TMEM62: variants seen among roughly 807,000 people sequenced by gnomAD.
TMEM62 encodes the protein transmembrane protein 62.
In TMEM62, 41 loss-of-function variants were observed where a neutral mutation model predicts 70.4. That is an observed-to-expected ratio of 0.58 (90% CI 0.45 to 0.76). The LOEUF is 0.76. Among genes scored for constraint, TMEM62 ranks in the 30% least tolerant of loss-of-function variants. The probability of loss-of-function intolerance (pLI) is 0.00; values close to 1 mark genes in which losing one functional copy is unlikely to be tolerated. For synonymous variants in TMEM62, 268 were observed against 291.0 expected, an observed-to-expected ratio of 0.92 and a Z score of 0.80; for missense variants, 688 against 788.5, an observed-to-expected ratio of 0.87 and a Z score of 1.53.
intron 5 of TMEM62, among the ~76,000 whole-genome samples, chr15:43,147,927 ATGC>A (rs1158401505): frequency 6.6e-6 from 1 of 152,200 alleles, no homozygotes; most frequent in Non-Finnish European, 1.5e-5. Flanking sequence ...TATAATATTA[ATGC>A]ATATTTACAT....
intron 10 of TMEM62, among the ~76,000 whole-genome samples, chr15:43,161,909 G>A (rs1216147412): frequency 6.6e-6 from 1 of 151,606 alleles, no homozygotes; most frequent in Non-Finnish European, 1.5e-5. Flanking sequence ...CAATCCACCC[G>A]CCTCAGCCTC....
At chr15:43,142,363 C>G (rs185165261) in intron 4 of TMEM62, among the ~76,000 whole-genome samples, 11 of 152,038 alleles carry the variant, frequency 7.2e-5, no homozygotes, top group African/African-American at 2.7e-4. Flanking sequence ...CAGGGTTTCA[C>G]CATATTGGCC....
At chr15:43,140,039 T>C (rs2141511613) in intron 4 of TMEM62, among the ~76,000 whole-genome samples, 1 of 152,190 alleles carries the variant, frequency 6.6e-6, no homozygotes, top group Non-Finnish European at 1.5e-5. Flanking sequence ...CTTCAAAGGA[T>C]GGGCTGACTA....
chr15:43,144,140 A>C (rs955866286), intron 4 of TMEM62, among the ~76,000 whole-genome samples: 5 of 152,266 alleles, frequency 3.3e-5, no homozygotes, highest in Admixed American at 3.3e-4. Context: ...AAGTGTGTCC[A>C]ATCTTAAAAG....
rs1567188444 is a variant in TMEM62 at position 43,146,484 on chromosome 15, A to C, written c.477-9A>C. On this transcript the variant is annotated splice_polypyrimidine_tract_variant and intron_variant, in intron 4 of 13. Coordinates refer to ENST00000260403, the MANE Select transcript of TMEM62 (RefSeq NM_024956.4). ...TTACACTAACACCCTCCTGTCTTCT[A>C]TTTTTTAGGAAATATTCTGCTGTAC... 1 of 1,604,418 alleles carries C rather than the reference A, an allele frequency of 6.2e-7. No homozygotes were observed. The highest frequency in any genetic ancestry group is 8.5e-7 in the Non-Finnish European group (1 of 1,176,804).
At chr15:43,150,455 C>T (rs1031929010) in intron 7 of TMEM62, among the ~76,000 whole-genome samples, 2 of 152,126 alleles carry the variant, frequency 1.3e-5, no homozygotes, top group African/African-American at 2.4e-5. Context: ...TTATTTGGAG[C>T]GTACTCCAGA....
intron 4 of TMEM62, among the ~76,000 whole-genome samples, chr15:43,145,231 GTC>G (rs1275628187): frequency 7.9e-6 from 1 of 126,674 alleles, no homozygotes; most frequent in East Asian, 2.4e-4. Flanking sequence ...TTGAGACAGA[GTC>G]TCATTCTGTC....
chr15:43,153,333 A>C (rs1480423100), intron 8 of TMEM62, among the ~76,000 whole-genome samples: 2 of 152,216 alleles, frequency 1.3e-5, no homozygotes, highest in African/African-American at 4.8e-5. Context: ...AGTAGCATTA[A>C]GTTTGCTTCA....
chr15:43,178,560 T>C (rs1303205002), intron 11 of TMEM62, 47 bp from the exon 12 acceptor site: 1 of 1,211,188 alleles, frequency 8.3e-7, no homozygotes, highest in Non-Finnish European at 1.2e-6. Flanking sequence ...ATAAAGAAAC[T>C]GAACTTTGCA....
At chr15:43,152,044 T>G in intron 8 of TMEM62, 99 bp downstream of exon 8, 1 of 864,544 alleles carries the variant, frequency 1.2e-6, no homozygotes, top group Non-Finnish European at 1.7e-6. Flanking sequence ...GATGCCCCAT[T>G]TTAGTTTTCT....
intron 11 of TMEM62, among the ~76,000 whole-genome samples, chr15:43,176,258 CACAG>C (rs1313058190): frequency 6.6e-6 from 1 of 152,248 alleles, no homozygotes; most frequent in Non-Finnish European, 1.5e-5. Context: ...GGGGGCAGGG[CACAG>C]ACAAACAAAA....
chr15:43,162,447 G>T (rs1234484797), intron 10 of TMEM62, among the ~76,000 whole-genome samples: 852 of 109,912 alleles, frequency 7.8e-3, no homozygotes, highest in African/African-American at 0.044. Flanking sequence ...TTTTTTTTTT[G>T]TTGAGCTGGA....
chr15:43,160,800 T>C lies in TMEM62; in HGVS notation c.1296+6T>C, dbSNP rs1567212005. 1.3e-6 allele frequency: 2 copies of C among 1,492,858 alleles called. No individual in the cohort carries two copies. The highest frequency in any genetic ancestry group is 1.9e-6 in the Non-Finnish European group (2 of 1,078,966). The allele number at this position is 1,492,858 out of a possible 1,614,324, so 92.5% of individuals were successfully genotyped here. ...GTACTGATCACTACATCATGGTAAG[T>C]GAATTCAATTAAATATTACATATGT... On this transcript the variant is annotated splice_donor_region_variant and intron_variant, in intron 10 of 13. Transcript: ENST00000260403.
intron 7 of TMEM62, among the ~76,000 whole-genome samples, chr15:43,149,714 G>A (rs1458471777): frequency 2.0e-5 from 3 of 152,212 alleles, no homozygotes; most frequent in East Asian, 1.9e-4. Flanking sequence ...GAGCCATGGC[G>A]CCTGGCCCAA....
chr15:43,133,478 C>A (rs938907987), upstream of TMEM62: 1 of 251,372 alleles, frequency 4.0e-6, no homozygotes, highest in East Asian at 7.5e-5. Flanking sequence ...GCCTCCCGGC[C>A]ACTGGTCCCG....
intron 2 of TMEM62, 43 bp downstream of exon 2, chr15:43,134,411 A>T (rs755480581): frequency 6.1e-6 from 9 of 1,484,762 alleles, no homozygotes; most frequent in Non-Finnish European, 8.4e-6. Flanking sequence ...TGTGGTCCGC[A>T]TGGTAGAACT....
chr15:43,146,067 T>C (rs2036625377), intron 4 of TMEM62: 1 of 153,538 alleles, frequency 6.5e-6, no homozygotes, highest in Admixed American at 6.5e-5. Context: ...TCTTTGCAAG[T>C]CTTTCTTGTG....
rs1719430407 is a variant in TMEM62, at chr15:43,182,444, TTTTCTTTTC to T, written c.1605+1149_1605+1157del. 1.3e-5 allele frequency among the ~76,000 whole-genome samples: 2 copies of T among 151,660 alleles called. 1 individual carries two copies. The highest frequency in any genetic ancestry group is 4.2e-4 in the South Asian group (2 of 4,816). On this transcript the variant is annotated intron_variant, in intron 13 of 13. Coordinates refer to ENST00000260403, the MANE Select transcript of TMEM62 (RefSeq NM_024956.4). ...CTGGGTTCATTTCAGTTTTCTTTTC[TTTTCTTTTC>T]TTTTTTTTTTTTTTTTTGAGATGGA... is the stretch of plus-strand genomic sequence containing the variant.
At chr15:43,145,938 G>T (rs991313047) in intron 4 of TMEM62, among the ~76,000 whole-genome samples, 2 of 152,154 alleles carry the variant, frequency 1.3e-5, no homozygotes, top group African/African-American at 4.8e-5. Flanking sequence ...GCTTAAGGTG[G>T]TAAACTTTCA....
Sources: gnomAD v4.1 joint callset for allele counts (sites outside exome capture counted in the v4.1 genomes callset) on GRCh38, gnomAD v4.1.1 for gene constraint, MANE v1.5 for transcripts, NCBI Gene and HGNC (gene_info 2026-07-23, HGNC 2026-07-21) for gene names.